The following TAF5L variants were observed in gnomAD, a reference collection of about 807,000 sequenced individuals.
TAF5L encodes TAF5-like RNA polymerase II p300/CBP-associated factor-associated factor 65 kDa subunit 5L.
Under a neutral mutation model 51.3 loss-of-function variants are expected in TAF5L, and 7 were observed. That is an observed-to-expected ratio of 0.14 (90% CI 0.08 to 0.26). TAF5L has a LOEUF of 0.26. Ranked by LOEUF, TAF5L falls within the 10% of genes least tolerant of loss-of-function variation. The pLI is 1.00. For synonymous variants in TAF5L, 291 were observed against 308.1 expected, an observed-to-expected ratio of 0.94 and a Z score of 0.58; for missense variants, 575 against 758.9, an observed-to-expected ratio of 0.76 and a Z score of 2.85.
chr1:229,613,869 G>T lies in TAF5L; in HGVS notation c.142+472C>A, dbSNP rs112089967. 5.0e-4 allele frequency among the ~76,000 whole-genome samples: 76 copies of T among 152,156 alleles called. 2 individuals are homozygous for T. The highest frequency in any genetic ancestry group is 1.8e-3 in the African/African-American group (76 of 41,506). ...CAAAAACAAATTAAAAAAACTTCAG[G>T]AATGTGTCTATAATAATAATAATAT... On this transcript the variant is annotated intron_variant, in intron 2 of 4. Coordinates refer to ENST00000258281, the Ensembl canonical transcript of TAF5L.
At chr1:229,599,764 G>A (rs1571831697) in intron 4 of TAF5L, 1 of 949,898 alleles carries the variant, frequency 1.1e-6, no homozygotes, top group Non-Finnish European at 1.3e-6. Flanking sequence ...GTGCCTGTGT[G>A]CACATGTTTT....
intron 4 of TAF5L, chr1:229,601,203 A>C: frequency 1.0e-6 from 1 of 985,426 alleles, no homozygotes; most frequent in Non-Finnish European, 1.2e-6. Flanking sequence ...GGACTCAGAA[A>C]ACAGGAACAG....
At chr1:229,605,630 G>A (rs2102750598) in intron 3 of TAF5L, among the ~76,000 whole-genome samples, 1 of 151,172 alleles carries the variant, frequency 6.6e-6, no homozygotes, top group Non-Finnish European at 1.5e-5. Context: ...TTTTAGATGA[G>A]ATTAACACAT....
exon 2 of TAF5L, chr1:229,614,401 G>A: frequency 6.2e-7 from 1 of 1,614,214 alleles, no homozygotes; most frequent in Non-Finnish European, 8.5e-7. Flanking sequence ...TGCTTCAGGG[G>A]ACCATCTGAG....
At chr1:229,606,719 TAC>T (rs1664608529) in intron 3 of TAF5L, 1 of 985,298 alleles carries the variant, frequency 1.0e-6, no homozygotes, top group Non-Finnish European at 1.2e-6. Context: ...AGGAGCCAGG[TAC>T]TTTGCATCCA....
intron 3 of TAF5L, among the ~76,000 whole-genome samples, chr1:229,605,008 G>A (rs924105599): frequency 1.3e-5 from 2 of 152,014 alleles, no homozygotes; most frequent in South Asian, 2.1e-4. Context: ...CGCGATCTCG[G>A]CTCATTGCAT....
At chr1:229,611,131 G>A (rs1284599961) in intron 2 of TAF5L, among the ~76,000 whole-genome samples, 1 of 152,054 alleles carries the variant, frequency 6.6e-6, no homozygotes, top group African/African-American at 2.4e-5. Context: ...ACTCACCAGG[G>A]AAGGATTGTT....
intron 1 of TAF5L, among the ~76,000 whole-genome samples, chr1:229,620,276 G>T (rs949668315): frequency 1.3e-5 from 2 of 152,126 alleles, no homozygotes; most frequent in African/African-American, 4.8e-5. Flanking sequence ...GCCCAGGCTG[G>T]TCTCCATCCT....
intron 3 of TAF5L, chr1:229,606,372 C>G: frequency 3.1e-6 from 3 of 963,232 alleles, no homozygotes; most frequent in Non-Finnish European, 3.7e-6. Flanking sequence ...TGAAAGTACA[C>G]TTTTTCTTCC....
chr1:229,622,776 T>C (rs1558156522), intron 1 of TAF5L, among the ~76,000 whole-genome samples: 1 of 151,124 alleles, frequency 6.6e-6, no homozygotes, highest in Admixed American at 6.6e-5. Context: ...CCTGGTTAGT[T>C]AAAAAAAAAA....
chr1:229,601,742 G>T, intron 4 of TAF5L: 1 of 1,010,088 alleles, frequency 9.9e-7, no homozygotes, highest in Non-Finnish European at 1.2e-6. Context: ...TCTTACTACT[G>T]TTGCTGAGAC....
chr1:229,600,833 T>A, intron 4 of TAF5L: 1 of 985,058 alleles, frequency 1.0e-6, no homozygotes, highest in Non-Finnish European at 1.2e-6. Flanking sequence ...GATGTCATAA[T>A]GCTATCTTCT....
At chr1:229,619,058 GAAA>G (rs575713556) in intron 1 of TAF5L, among the ~76,000 whole-genome samples, 1 of 152,072 alleles carries the variant, frequency 6.6e-6, no homozygotes, top group Non-Finnish European at 1.5e-5. Context: ...TATAACAGAA[GAAA>G]AAAATTATTT....
intron 1 of TAF5L, among the ~76,000 whole-genome samples, chr1:229,618,537 C>G (rs1394027299): frequency 6.6e-6 from 1 of 152,088 alleles, no homozygotes; most frequent in Non-Finnish European, 1.5e-5. Context: ...TCAACAGTTG[C>G]CAGATACTTC....
intron 3 of TAF5L, among the ~76,000 whole-genome samples, chr1:229,605,641 T>G (rs1023184230): frequency 1.3e-5 from 2 of 152,014 alleles, no homozygotes; most frequent in African/African-American, 4.8e-5. Flanking sequence ...ATTAACACAT[T>G]TAAGTCAGTA....
chr1:229,615,962 A>G (rs1664986286), intron 1 of TAF5L, among the ~76,000 whole-genome samples: 1 of 152,112 alleles, frequency 6.6e-6, no homozygotes, highest in South Asian at 2.1e-4. Flanking sequence ...TTAAGTTCTC[A>G]GTTTCAGTTA....
intron 4 of TAF5L, among the ~76,000 whole-genome samples, chr1:229,595,718 T>C (rs371083249): frequency 2.6e-5 from 4 of 151,598 alleles, no homozygotes; most frequent in East Asian, 3.9e-4. Context: ...CAGGCTGGAG[T>C]GCAATGGTGT....
chr1:229,605,983 G>T, intron 3 of TAF5L: 1 of 328,878 alleles, frequency 3.0e-6, no homozygotes, highest in Non-Finnish European at 4.4e-6. Flanking sequence ...GTTTTTTATT[G>T]GGATGAAGGA....
At chr1:229,615,741 G>A (rs1664956652) in intron 1 of TAF5L, among the ~76,000 whole-genome samples, 1 of 152,022 alleles carries the variant, frequency 6.6e-6, no homozygotes, top group Non-Finnish European at 1.5e-5. Flanking sequence ...CAGTCCAGAT[G>A]ACCAATGACA....
Sources: allele counts gnomAD v4.1 joint callset (sites outside exome capture counted in the v4.1 genomes callset), GRCh38; gene constraint gnomAD v4.1.1; transcripts MANE v1.5; gene names NCBI Gene and HGNC (gene_info 2026-07-23, HGNC 2026-07-21).